The following LMOD1 variants were observed in gnomAD, a reference collection of about 807,000 sequenced individuals.
LMOD1 encodes the protein leiomodin 1.
LMOD1 carries 8 observed loss-of-function variants against 36.5 expected under a neutral mutation model. The observed-to-expected ratio is 0.22, with a 90% CI of 0.13 to 0.40. LMOD1 has a LOEUF of 0.40. Among genes scored for constraint, LMOD1 ranks in the 10% least tolerant of loss-of-function variants. The pLI is 1.00. For missense variants in LMOD1, 630 were observed against 751.1 expected (o/e 0.84, Z 1.88); for synonymous variants, 284 against 288.7 (o/e 0.98, Z 0.17).
chr1:201,902,270 C>T (rs1032240799), intron 1 of LMOD1, among the ~76,000 whole-genome samples: 2 of 151,820 alleles, frequency 1.3e-5, no homozygotes, highest in Non-Finnish European at 2.9e-5. Context: ...GGACAAGCAT[C>T]TCTCTGTGGA....
intron 1 of LMOD1, among the ~76,000 whole-genome samples, chr1:201,904,583 C>G (rs1304924857): frequency 1.3e-5 from 2 of 152,190 alleles, no homozygotes; most frequent in Admixed American, 6.5e-5. Flanking sequence ...AGGACTACTC[C>G]CCACTCCTTC....
chr1:201,903,837 T>C (rs944423018), intron 1 of LMOD1, among the ~76,000 whole-genome samples: 1 of 152,204 alleles, frequency 6.6e-6, no homozygotes, highest in Non-Finnish European at 1.5e-5. Flanking sequence ...GTGCACTGCA[T>C]AGCTTCCCTT....
At chr1:201,905,359 G>A (rs1681395572) in intron 1 of LMOD1, among the ~76,000 whole-genome samples, 1 of 152,194 alleles carries the variant, frequency 6.6e-6, no homozygotes, top group African/African-American at 2.4e-5. Flanking sequence ...ACGTGCGTTA[G>A]GATCCAAGTT....
chr1:201,900,386 C>T lies in LMOD1; in HGVS notation c.627G>A (p.Glu209=), dbSNP rs184418406. The T allele has an allele frequency of 6.4e-7, 1 of 1,562,242 alleles. No individual in the cohort carries two copies. The highest frequency in any genetic ancestry group is 1.9e-5 in the Admixed American group (1 of 51,596). The change falls in exon 2 of 3, where the codon GAG becomes GAA. Residue 209 remains glutamate (E), a synonymous_variant. Transcript: ENST00000367288. ...GLSRDKDKKR[E]EMKEVAKKED... is the part of the protein sequence containing the mutation. ...CTTTCTTGGCCACCTCCTTCATCTC[C>T]TCTCTCTTTTTATCCTTGTCCCTGC...
rs1472598189 is a variant in LMOD1 at position 201,899,069 on chromosome 1, C to A, written c.1776+168G>T. On this transcript the variant is annotated intron_variant, in intron 2 of 2. Coordinates refer to ENST00000367288, the MANE Select transcript of LMOD1 (RefSeq NM_012134.3). This position sits in a 1 kb window ranked among gnomAD's most constrained non-coding sequence, Gnocchi z 6.3. Reference sequence around the variant, plus strand: ...GGGATATACAGGTGTGACCTGCCTGCAGGCAGGAGGATGCATGAGATGACC... The same window carrying A: ...GGGATATACAGGTGTGACCTGCCTGAAGGCAGGAGGATGCATGAGATGACC... The A allele has an allele frequency of 4.0e-5, 24 of 596,150 alleles. No homozygotes were observed. In the East Asian group the frequency reaches 6.4e-4, roughly 16 times the overall value. The allele number at this position is 596,150 out of a possible 1,614,324, so 36.9% of individuals were successfully genotyped here.
intron 1 of LMOD1, among the ~76,000 whole-genome samples, chr1:201,940,995 C>T (rs1682107592): frequency 6.6e-6 from 1 of 152,068 alleles, no homozygotes; most frequent in South Asian, 2.1e-4. Flanking sequence ...GATCCACCCG[C>T]CTTGGCCTCC....
At chr1:201,907,543 C>G (rs1282492399) in intron 1 of LMOD1, among the ~76,000 whole-genome samples, 3 of 152,174 alleles carry the variant, frequency 2.0e-5, no homozygotes, top group African/African-American at 7.2e-5. Context: ...TGTGCTTTTC[C>G]ATGGAAAATG....
chr1:201,908,729 G>A (rs1180213572), intron 1 of LMOD1, among the ~76,000 whole-genome samples: 2 of 152,126 alleles, frequency 1.3e-5, no homozygotes, highest in South Asian at 4.1e-4. Context: ...TTTACACACC[G>A]CAGGTACTCT....
At chr1:201,936,187 A>C (rs966527197) in intron 1 of LMOD1, among the ~76,000 whole-genome samples, 1 of 151,178 alleles carries the variant, frequency 6.6e-6, no homozygotes, top group South Asian at 2.1e-4. Context: ...CCCCCAGTGC[A>C]TCAGCCAGTT....
chr1:201,919,783 GCCTTC>G (rs1558238787), intron 1 of LMOD1, among the ~76,000 whole-genome samples: 1 of 152,144 alleles, frequency 6.6e-6, no homozygotes, highest in Non-Finnish European at 1.5e-5. Context: ...TGGTACATGT[GCCTTC>G]TGGATCTTTT....
intron 1 of LMOD1, among the ~76,000 whole-genome samples, chr1:201,926,025 T>G (rs1323998347): frequency 6.6e-6 from 1 of 152,144 alleles, no homozygotes; most frequent in African/African-American, 2.4e-5. Flanking sequence ...GTTTTCTTTT[T>G]AGGTAGTAAC....
At chr1:201,930,495 A>C (rs1558242016) in intron 1 of LMOD1, among the ~76,000 whole-genome samples, 1 of 152,156 alleles carries the variant, frequency 6.6e-6, no homozygotes, top group Non-Finnish European at 1.5e-5. Flanking sequence ...TAGGTGTCTG[A>C]TTAAATGGTA....
intron 1 of LMOD1, among the ~76,000 whole-genome samples, chr1:201,909,123 C>A (rs114487080): frequency 0.015 from 2,264 of 152,288 alleles, 51 homozygotes; most frequent in African/African-American, 0.049. Context: ...CATGAAGCTA[C>A]GAAAAGCTGT....
chr1:201,901,872 GA>G (rs1195575243), intron 1 of LMOD1, among the ~76,000 whole-genome samples: 86 of 147,406 alleles, frequency 5.8e-4, no homozygotes, highest in Middle Eastern at 3.6e-3. Flanking sequence ...ATTTCCAAAG[GA>G]AAAAAAGGTA....
intron 1 of LMOD1, among the ~76,000 whole-genome samples, chr1:201,911,580 C>T (rs1184089735): frequency 6.6e-6 from 1 of 152,020 alleles, no homozygotes; most frequent in African/African-American, 2.4e-5. Context: ...CAGGAGAATC[C>T]CTTGAACCCG....
chr1:201,904,428 C>T (rs996183781), intron 1 of LMOD1, among the ~76,000 whole-genome samples: 3 of 152,004 alleles, frequency 2.0e-5, no homozygotes, highest in African/African-American at 7.3e-5. Context: ...CAGGCTGGTC[C>T]CGAACTCCTG....
intron 1 of LMOD1, among the ~76,000 whole-genome samples, chr1:201,923,441 G>A (rs1194938379): frequency 6.6e-6 from 1 of 152,206 alleles, no homozygotes; most frequent in African/African-American, 2.4e-5. Context: ...AGTGTTCAGA[G>A]CCAGCACAGT....
chr1:201,916,630 A>G (rs1341812030), intron 1 of LMOD1, among the ~76,000 whole-genome samples: 3 of 151,806 alleles, frequency 2.0e-5, no homozygotes, highest in African/African-American at 7.3e-5. Flanking sequence ...AAAATTAAAA[A>G]CCAAGAGGCA....
At position 201,946,227 on chromosome 1, in the gene LMOD1, C is replaced by A; in HGVS notation, c.114G>T (p.Val38=). ...EMEELEKELD[V]VDPDGSVPVG... is the part of the protein sequence containing the mutation. ...CGGGAACACTCCCGTCTGGGTCCAC[C>A]ACGTCCAGCTCCTTCTCCAGCTCCT... Residue 38 remains valine (V), a synonymous_variant, in exon 1 of 3, where the codon GTG becomes GTT. Transcript: ENST00000367288. The A allele has an allele frequency of 6.2e-7, 1 of 1,614,044 alleles. No homozygotes were observed. Among genetic ancestry groups the A allele is most frequent in the South Asian group, 1.1e-5 (1 of 91,088 alleles).
Sources: gnomAD v4.1 joint callset for allele counts (sites outside exome capture counted in the v4.1 genomes callset) on GRCh38, gnomAD v4.1.1 for gene constraint, Gnocchi (gnomAD v3.1) non-coding constraint, MANE v1.5 for transcripts, NCBI Gene and HGNC (gene_info 2026-07-23, HGNC 2026-07-21) for gene names.